The following CPQ variants were observed in gnomAD, a reference collection of about 807,000 sequenced individuals.
CPQ encodes the protein carboxypeptidase Q, also known as Ser-Met dipeptidase.
A neutral mutation model predicts 45.7 loss-of-function variants in CPQ; 37 were observed. That is an observed-to-expected ratio of 0.81 (90% confidence interval 0.62 to 1.07). CPQ has a LOEUF of 1.07. Among genes scored for constraint, CPQ ranks in the 50% least tolerant of loss-of-function variants. CPQ has a pLI of 0.00. For missense variants in CPQ, 537 were observed against 572.9 expected, an observed-to-expected ratio of 0.94 and a Z score of 0.64; for synonymous variants, 186 against 205.8, an observed-to-expected ratio of 0.90 and a Z score of 0.82.
chr8:96,903,936 CT>C (rs1206816219), intron 4 of CPQ, among the ~76,000 whole-genome samples: 1 of 152,110 alleles, frequency 6.6e-6, no homozygotes, highest in Non-Finnish European at 1.5e-5. Flanking sequence ...TCTTTGCCTT[CT>C]AGGAGGAAAT....
At chr8:97,071,434 CCT>C (rs1326598493) in intron 7 of CPQ, among the ~76,000 whole-genome samples, 4 of 152,154 alleles carry the variant, frequency 2.6e-5, no homozygotes, top group African/African-American at 9.7e-5. Context: ...TTCTCCTCCT[CCT>C]CTGTCCCCTA....
chr8:96,859,145 C>T (rs1399909181), intron 3 of CPQ, among the ~76,000 whole-genome samples: 1 of 152,144 alleles, frequency 6.6e-6, no homozygotes, highest in Non-Finnish European at 1.5e-5. Context: ...TGCCTTAATC[C>T]AACAACTGAC....
intron 6 of CPQ, among the ~76,000 whole-genome samples, chr8:97,063,809 C>G (rs768093283): frequency 6.6e-6 from 1 of 152,038 alleles, no homozygotes; most frequent in Non-Finnish European, 1.5e-5. Context: ...GCTCCCTACT[C>G]TGTTCCATTG....
intron 2 of CPQ, among the ~76,000 whole-genome samples, chr8:96,792,674 T>C (rs1311742005): frequency 6.6e-6 from 1 of 152,186 alleles, no homozygotes; most frequent in Non-Finnish European, 1.5e-5. Context: ...ACTCAGTAAA[T>C]AGTTACTCAT....
intron 4 of CPQ, among the ~76,000 whole-genome samples, chr8:96,933,046 C>G (rs1812994885): frequency 6.6e-6 from 1 of 152,180 alleles, no homozygotes; most frequent in African/African-American, 2.4e-5. Flanking sequence ...TGTTTGTCAA[C>G]TCTTTCAGAT....
intron 3 of CPQ, among the ~76,000 whole-genome samples, chr8:96,875,225 G>C (rs144153157): frequency 6.6e-6 from 1 of 151,964 alleles, no homozygotes; most frequent in African/African-American, 2.4e-5. Flanking sequence ...TTAGATACAA[G>C]TGCCTTATCA....
At chr8:96,738,128 T>G (rs1262978783) in intron 1 of CPQ, among the ~76,000 whole-genome samples, 1 of 152,186 alleles carries the variant, frequency 6.6e-6, no homozygotes, top group African/African-American at 2.4e-5. Context: ...ATATCTATTT[T>G]ATGGCCTGAA....
intron 1 of CPQ, among the ~76,000 whole-genome samples, chr8:96,778,238 G>T (rs1463600350): frequency 6.6e-6 from 1 of 151,628 alleles, no homozygotes; most frequent in Non-Finnish European, 1.5e-5. Context: ...TTAATATCTT[G>T]TTCCATTTTT....
chr8:96,997,270 G>A (rs140919868), intron 5 of CPQ, among the ~76,000 whole-genome samples: 230 of 151,960 alleles, frequency 1.5e-3, no homozygotes, highest in African/African-American at 5.2e-3. Flanking sequence ...TAGAAGAGTC[G>A]AAGTTTTGAT....
At chr8:96,751,763 A>C (rs1810265494) in intron 1 of CPQ, among the ~76,000 whole-genome samples, 2 of 151,996 alleles carry the variant, frequency 1.3e-5, no homozygotes, top group South Asian at 4.1e-4. Flanking sequence ...GGTTTTTTAT[A>C]GTTTTGGGTT....
intron 3 of CPQ, among the ~76,000 whole-genome samples, chr8:96,842,068 A>G (rs1288338806): frequency 6.6e-6 from 1 of 152,174 alleles, no homozygotes; most frequent in African/African-American, 2.4e-5. Context: ...ACATTTTGTA[A>G]TCAGAGGGCC....
chr8:96,723,370 A>T (rs1423489686), intron 1 of CPQ, among the ~76,000 whole-genome samples: 1 of 152,220 alleles, frequency 6.6e-6, no homozygotes, highest in Non-Finnish European at 1.5e-5. Flanking sequence ...AAACACTTAC[A>T]TGGAGACTGA....
At chr8:96,742,974 G>T (rs1297217649) in intron 1 of CPQ, among the ~76,000 whole-genome samples, 2 of 152,058 alleles carry the variant, frequency 1.3e-5, no homozygotes, top group Non-Finnish European at 2.9e-5. Context: ...TCTTCTCGAG[G>T]AGTATCTTTG....
intron 2 of CPQ, among the ~76,000 whole-genome samples, chr8:96,825,030 T>A (rs923933072): frequency 6.6e-6 from 1 of 151,982 alleles, no homozygotes; most frequent in African/African-American, 2.4e-5. Flanking sequence ...TTTATTCTAT[T>A]TGGGAACTAC....
Position 96,742,279 on chromosome 8 carries a change from T to C in CPQ, c.-34-42585T>C, listed in dbSNP as rs374372804. Among the ~76,000 whole-genome samples the C allele has an allele frequency of 1.8e-3, 277 of 152,254 alleles. 3 individuals are homozygous for C. The highest frequency in any genetic ancestry group is 6.1e-3 in the African/African-American group (254 of 41,536). On this transcript the variant is annotated intron_variant, in intron 1 of 7. Coordinates refer to ENST00000220763, the MANE Select transcript of CPQ (RefSeq NM_016134.4). ...TTTGTTGGTTTAAAGTCTGTTTTAT[T>C]AGAGACTAGGATTGCAACCCCTGCC...
chr8:96,874,130 T>G (rs1334373248), intron 3 of CPQ, among the ~76,000 whole-genome samples: 2 of 151,824 alleles, frequency 1.3e-5, no homozygotes, highest in Non-Finnish European at 3.0e-5. Flanking sequence ...TTGTTCATGT[T>G]CATTTTATAT....
intron 4 of CPQ, among the ~76,000 whole-genome samples, chr8:96,889,770 G>A (rs1048227772): frequency 3.9e-5 from 6 of 152,196 alleles, no homozygotes; most frequent in African/African-American, 1.4e-4. Context: ...TCGAGGGCAG[G>A]AAGCATCCAG....
intron 1 of CPQ, among the ~76,000 whole-genome samples, chr8:96,765,699 C>T (rs1435215885): frequency 1.3e-5 from 2 of 152,186 alleles, no homozygotes; most frequent in Non-Finnish European, 2.9e-5. Flanking sequence ...TCTTCTTACC[C>T]ACTCTTTTCC....
At chr8:96,670,456 A>T (rs1242805844) in intron 1 of CPQ, among the ~76,000 whole-genome samples, 1 of 152,112 alleles carries the variant, frequency 6.6e-6, no homozygotes, top group East Asian at 1.9e-4. Flanking sequence ...AATAATGAGG[A>T]TAGATGGTGT....
Sources: gnomAD v4.1 joint callset for allele counts (sites outside exome capture counted in the v4.1 genomes callset) on GRCh38, gnomAD v4.1.1 for gene constraint, MANE v1.5 for transcripts, NCBI Gene and HGNC (gene_info 2026-07-23, HGNC 2026-07-21) for gene names.